ACYP2: variants seen among roughly 807,000 people sequenced by gnomAD.
The protein encoded by ACYP2 is acylphosphatase-2.
In ACYP2, 12 loss-of-function variants were observed where a neutral mutation model predicts 11.2. The observed-to-expected ratio is 1.08, with a 90% CI of 0.69 to 1.74. The LOEUF (loss-of-function observed/expected upper bound fraction) is 1.74, where lower values mean the gene tolerates loss of function less well. Ranked by LOEUF, ACYP2 falls within the 40% of genes most tolerant of loss-of-function variation. The pLI is 0.00. For missense variants in ACYP2, 134 were observed against 101.9 expected (o/e 1.31, Z -1.35); for synonymous variants, 43 against 32.2 (o/e 1.33, Z -1.13).
chr2:54,004,049 T>C (rs1300369398), intron 2 of ACYP2, among the ~76,000 whole-genome samples: 2 of 152,150 alleles, frequency 1.3e-5, no homozygotes, highest in Non-Finnish European at 2.9e-5. Context: ...AATGGCGCGA[T>C]CTCAGCTTAC....
rs569963222 is a variant in ACYP2 at position 54,002,653 on chromosome 2, T to G, written c.62+28843T>G. Among the ~76,000 whole-genome samples, 9 of 146,508 alleles carry G rather than the reference T, an allele frequency of 6.1e-5. 1 individual carries two copies. In the East Asian group the frequency reaches 1.8e-3, roughly 29 times the overall value. On this transcript the variant is annotated intron_variant, in intron 2 of 6. Coordinates refer to ENST00000607452, the MANE Select transcript of ACYP2 (RefSeq NM_001320586.2). ...AGCTACCATGCCTGGCCATTTTATT[T>G]TATTTTATTTTTTTTGAGACGGAGT...
chr2:54,131,826 A>AT (rs1204780409), intron 4 of ACYP2, among the ~76,000 whole-genome samples: 2 of 152,176 alleles, frequency 1.3e-5, no homozygotes, highest in African/African-American at 4.8e-5. Context: ...TTTAGTGGGC[A>AT]TAAGAATTGC....
intron 6 of ACYP2, among the ~76,000 whole-genome samples, chr2:54,140,942 G>A (rs1316653775): frequency 6.6e-6 from 1 of 152,076 alleles, no homozygotes; most frequent in African/African-American, 2.4e-5. Context: ...AATTTACATT[G>A]TTTTCCTCCT....
Position 53,992,717 on chromosome 2 carries a change from G to C in ACYP2, c.62+18907G>C, listed in dbSNP as rs144785843. Among the ~76,000 whole-genome samples the C allele has an allele frequency of 1.1e-4, 16 of 151,842 alleles. No individual in the cohort carries two copies. In the East Asian group the frequency reaches 3.1e-3, roughly 30 times the overall value. On this transcript the variant is annotated intron_variant, in intron 2 of 6. Coordinates refer to ENST00000607452, the MANE Select transcript of ACYP2 (RefSeq NM_001320586.2). Reference sequence around the variant, plus strand: ...ATGGTGGTGTGCACCTGTAGTCCGAGCTACTTGGGAGGCTGTGGCAGGATA... The same window carrying C: ...ATGGTGGTGTGCACCTGTAGTCCGACCTACTTGGGAGGCTGTGGCAGGATA...
rs1036776070 is a variant in ACYP2 at position 54,121,125 on chromosome 2, C to T, written c.278-14328C>T. ...CCATGACCAAGAGGAATGAGGTACGCGGACACTGGAGAGTGAACAAGGCAG... is the reference window on the plus strand; with the variant it reads ...CCATGACCAAGAGGAATGAGGTACGTGGACACTGGAGAGTGAACAAGGCAG... On this transcript the variant is annotated intron_variant, in intron 4 of 6. Transcript: ENST00000607452. 3.3e-5 allele frequency among the ~76,000 whole-genome samples: 5 copies of T among 152,248 alleles called. No homozygotes were observed. In the South Asian group the frequency reaches 6.2e-4, roughly 19 times the overall value.
At chr2:54,119,818 C>T (rs1404649578) in intron 4 of ACYP2, among the ~76,000 whole-genome samples, 4 of 151,478 alleles carry the variant, frequency 2.6e-5, no homozygotes, top group Non-Finnish European at 5.9e-5. Flanking sequence ...TTTTTTGGTT[C>T]CAGGATCCCA....
At chr2:54,216,783 C>T (rs1041062984) in intron 6 of ACYP2, among the ~76,000 whole-genome samples, 7 of 152,176 alleles carry the variant, frequency 4.6e-5, no homozygotes, top group Non-Finnish European at 8.8e-5. Context: ...GTGATCCACC[C>T]GCCTTGGCCT....
intron 6 of ACYP2, among the ~76,000 whole-genome samples, chr2:54,197,942 A>ATTGTATTGTATTG (rs1354658076): frequency 2.2e-4 from 15 of 69,572 alleles, no homozygotes; most frequent in African/African-American, 1.8e-4. Context: ...TGTATGTATT[A>ATTGTATTGTATTG]TATTGTATTG....
chr2:54,266,512 A>G (rs1233548886), intron 6 of ACYP2, among the ~76,000 whole-genome samples: 1 of 151,458 alleles, frequency 6.6e-6, no homozygotes, highest in Non-Finnish European at 1.5e-5. Flanking sequence ...AGATAAGAAA[A>G]CTGAGGTGCA....
At chr2:54,258,198 A>G (rs843700) in intron 6 of ACYP2, among the ~76,000 whole-genome samples, 39,158 of 152,106 alleles carry the variant, frequency 0.26, 5,288 homozygotes, top group South Asian at 0.45. Context: ...AAAACAATAG[A>G]GCAAGGAGAT....
At chr2:53,993,820 C>G (rs183768725) in intron 2 of ACYP2, among the ~76,000 whole-genome samples, 97 of 151,980 alleles carry the variant, frequency 6.4e-4, no homozygotes, top group African/African-American at 2.2e-3. Flanking sequence ...CGTGGAAGTT[C>G]AGAGAAAAAA....
At chr2:54,119,867 T>G (rs776088764) in intron 4 of ACYP2, among the ~76,000 whole-genome samples, 1 of 152,222 alleles carries the variant, frequency 6.6e-6, no homozygotes, top group Non-Finnish European at 1.5e-5. Flanking sequence ...TCAGGCTCCT[T>G]GAGGCTGTGA....
chr2:54,279,907 T>C (rs1688770043), intron 6 of ACYP2, among the ~76,000 whole-genome samples: 1 of 152,158 alleles, frequency 6.6e-6, no homozygotes, highest in African/African-American at 2.4e-5. Flanking sequence ...ACAGAATAGG[T>C]ATCTATTACC....
intron 2 of ACYP2, among the ~76,000 whole-genome samples, chr2:54,043,875 T>G (rs990953978): frequency 6.6e-6 from 1 of 152,026 alleles, no homozygotes; most frequent in Non-Finnish European, 1.5e-5. Flanking sequence ...CTAGCTGTGA[T>G]TCCTCCTCCT....
At chr2:54,122,641 A>G (rs1680228437) in intron 4 of ACYP2, among the ~76,000 whole-genome samples, 1 of 152,188 alleles carries the variant, frequency 6.6e-6, no homozygotes, top group African/African-American at 2.4e-5. Context: ...TTCTTTCTAT[A>G]TAGATATCTA....
chr2:54,186,604 C>A (rs1283760123), intron 6 of ACYP2, among the ~76,000 whole-genome samples: 1 of 152,080 alleles, frequency 6.6e-6, no homozygotes, highest in Non-Finnish European at 1.5e-5. Flanking sequence ...ACCTCTGCCT[C>A]CCAGGTTCAA....
chr2:54,299,622 A>G (rs373163871), intron 6 of ACYP2, among the ~76,000 whole-genome samples: 70 of 152,056 alleles, frequency 4.6e-4, no homozygotes, highest in African/African-American at 1.6e-3. Flanking sequence ...AAGAAAAAAA[A>G]GAAAACCTAA....
intron 4 of ACYP2, among the ~76,000 whole-genome samples, chr2:54,091,993 G>C (rs372578716): frequency 2.0e-5 from 3 of 152,120 alleles, no homozygotes; most frequent in Admixed American, 2.0e-4. Context: ...AGCAACTGTG[G>C]GGAAAGAGAG....
chr2:54,170,437 G>A (rs183295531), intron 6 of ACYP2, among the ~76,000 whole-genome samples: 2 of 152,314 alleles, frequency 1.3e-5, no homozygotes, highest in East Asian at 3.9e-4. Flanking sequence ...ACAGGCATGA[G>A]CCACCACGCC....
Sources: allele counts gnomAD v4.1 joint callset (sites outside exome capture counted in the v4.1 genomes callset), GRCh38; gene constraint gnomAD v4.1.1; transcripts MANE v1.5; gene names NCBI Gene and HGNC (gene_info 2026-07-23, HGNC 2026-07-21).